FBXL7: variants seen among roughly 807,000 people sequenced by gnomAD.
The protein encoded by FBXL7 is F-box and leucine rich repeat protein 7.
Under a neutral mutation model 38.3 loss-of-function variants are expected in FBXL7, and 12 were observed. The observed-to-expected ratio is 0.31, with a 90% CI of 0.20 to 0.51. The LOEUF (loss-of-function observed/expected upper bound fraction) is 0.51, where lower values mean the gene tolerates loss of function less well. FBXL7 is among the 20% of genes least tolerant of loss of function. FBXL7 has a pLI of 0.98. For synonymous variants in FBXL7, 297 were observed against 300.9 expected (o/e 0.99, Z 0.13); for missense variants, 567 against 676.4 (o/e 0.84, Z 1.79).
chr5:15,665,343 C>A (rs1395692212), intron 2 of FBXL7, among the ~76,000 whole-genome samples: 1 of 152,178 alleles, frequency 6.6e-6, no homozygotes, highest in Non-Finnish European at 1.5e-5. Context: ...CAAACTTGGT[C>A]TTTAAAAAAC....
chr5:15,571,550 C>A (rs1738782101), intron 1 of FBXL7, among the ~76,000 whole-genome samples: 1 of 152,098 alleles, frequency 6.6e-6, no homozygotes, highest in African/African-American at 2.4e-5. Flanking sequence ...GAGACATTTT[C>A]TTGGGAAATA....
chr5:15,699,002 C>CTTCTT (rs1443328830), intron 2 of FBXL7, among the ~76,000 whole-genome samples: 1 of 151,870 alleles, frequency 6.6e-6, no homozygotes, highest in African/African-American at 2.4e-5. Context: ...TTTCTTTTTT[C>CTTCTT]TTCTTTTCTT....
intron 2 of FBXL7, among the ~76,000 whole-genome samples, chr5:15,676,808 A>G (rs1320648604): frequency 6.6e-6 from 1 of 152,210 alleles, no homozygotes; most frequent in Non-Finnish European, 1.5e-5. Flanking sequence ...TTAGCTAGGA[A>G]AGCACTCATG....
intron 2 of FBXL7, among the ~76,000 whole-genome samples, chr5:15,828,421 T>C (rs1383216287): frequency 1.3e-5 from 2 of 152,268 alleles, no homozygotes; most frequent in South Asian, 2.1e-4. Context: ...CCGGTTTCAC[T>C]GAGTGTCTTG....
intron 1 of FBXL7, among the ~76,000 whole-genome samples, chr5:15,603,601 AT>A (rs1739880096): frequency 6.6e-6 from 1 of 152,188 alleles, no homozygotes; most frequent in Non-Finnish European, 1.5e-5. Context: ...ATTTTAAAGA[AT>A]TCATCTGTGA....
At position 15,933,033 on chromosome 5, in the gene FBXL7, G is replaced by GA. The variant is rs142531345; in HGVS notation, c.740-3409dup. On this transcript the variant is annotated intron_variant, in intron 3 of 3. Transcript: ENST00000504595. ...CACTGAGCCTGCGATGCTTCATCTTGAAAAAAAATGATGTTTATTCTGGAT... is the reference window on the plus strand; with the variant it reads ...CACTGAGCCTGCGATGCTTCATCTTGAAAAAAAAATGATGTTTATTCTGGAT... Among the ~76,000 whole-genome samples, 948 of 151,634 alleles carry GA rather than the reference G, an allele frequency of 6.3e-3. 7 individuals carry two copies. Among genetic ancestry groups the GA allele is most frequent in the African/African-American group, 0.021 (874 of 41,372 alleles).
intron 2 of FBXL7, among the ~76,000 whole-genome samples, chr5:15,813,787 CAAAA>C (rs1737933785): frequency 6.6e-6 from 1 of 152,098 alleles, no homozygotes; most frequent in African/African-American, 2.4e-5. Context: ...AGACACTTCT[CAAAA>C]GAAGACATTT....
chr5:15,932,664 C>G (rs958748025), intron 3 of FBXL7, among the ~76,000 whole-genome samples: 2 of 152,100 alleles, frequency 1.3e-5, no homozygotes, highest in Admixed American at 6.5e-5. Context: ...TGGACTTGCC[C>G]CTTGCTTTCC....
chr5:15,570,232 G>T (rs1306205423), intron 1 of FBXL7, among the ~76,000 whole-genome samples: 1 of 152,002 alleles, frequency 6.6e-6, no homozygotes. Flanking sequence ...GACTTTTTTT[G>T]GTTGGTAAGC....
intron 2 of FBXL7, among the ~76,000 whole-genome samples, chr5:15,791,487 A>G (rs1737275842): frequency 2.0e-5 from 3 of 152,212 alleles, no homozygotes; most frequent in South Asian, 2.1e-4. Context: ...GGTGCCACCT[A>G]GGGTCCAGAA....
At chr5:15,501,586 C>T (rs1163410759) in intron 1 of FBXL7, 36 of 985,372 alleles carry the variant, frequency 3.7e-5, no homozygotes, top group Non-Finnish European at 4.2e-5. Context: ...GTTTTACAGC[C>T]CGCCCCCAGA....
intron 1 of FBXL7, among the ~76,000 whole-genome samples, chr5:15,539,337 C>A (rs543319623): frequency 6.6e-6 from 1 of 152,204 alleles, no homozygotes; most frequent in African/African-American, 2.4e-5. Context: ...TTTCTCCTCA[C>A]CTATACACAA....
At chr5:15,623,056 G>T (rs1034191767) in intron 2 of FBXL7, among the ~76,000 whole-genome samples, 3 of 152,162 alleles carry the variant, frequency 2.0e-5, no homozygotes, top group African/African-American at 7.2e-5. Flanking sequence ...GGAGGTTGGT[G>T]CAGTATTGTT....
At chr5:15,615,914 C>T in intron 1 of FBXL7, 69 bp from the exon 2 acceptor site, 2 of 977,924 alleles carry the variant, frequency 2.0e-6, no homozygotes, top group East Asian at 5.0e-5. Context: ...TGCTGTGGGA[C>T]CGAGTGGAAG....
chr5:15,891,905 G>A (rs1411131911), intron 2 of FBXL7, among the ~76,000 whole-genome samples: 1 of 152,206 alleles, frequency 6.6e-6, no homozygotes, highest in Non-Finnish European at 1.5e-5. Flanking sequence ...GTAGCCAAGA[G>A]GAAAAGTCTG....
At chr5:15,525,609 T>G (rs548133094) in intron 1 of FBXL7, among the ~76,000 whole-genome samples, 93 of 151,784 alleles carry the variant, frequency 6.1e-4, no homozygotes, top group South Asian at 2.1e-3. Context: ...TGTGTGTGTG[T>G]GGGGGGTGGG....
At chr5:15,675,903 A>T (rs577081556) in intron 2 of FBXL7, among the ~76,000 whole-genome samples, 1 of 152,204 alleles carries the variant, frequency 6.6e-6, no homozygotes, top group Non-Finnish European at 1.5e-5. Flanking sequence ...GGCCGCTACA[A>T]TGAAGTCTGG....
intron 2 of FBXL7, among the ~76,000 whole-genome samples, chr5:15,750,161 C>A (rs1475205765): frequency 6.6e-6 from 1 of 152,126 alleles, no homozygotes; most frequent in Non-Finnish European, 1.5e-5. Flanking sequence ...AGTAAAGATC[C>A]CTTCCCTCAA....
At chr5:15,788,318 C>T (rs1056039114) in intron 2 of FBXL7, among the ~76,000 whole-genome samples, 2 of 152,082 alleles carry the variant, frequency 1.3e-5, no homozygotes, top group African/African-American at 4.8e-5. Flanking sequence ...ATGTTTTAAC[C>T]CATAGAGCCT....
Sources: allele counts gnomAD v4.1 joint callset (sites outside exome capture counted in the v4.1 genomes callset), GRCh38; gene constraint gnomAD v4.1.1; transcripts MANE v1.5; gene names NCBI Gene and HGNC (gene_info 2026-07-23, HGNC 2026-07-21).